The following TFCP2 variants were observed in gnomAD, a reference collection of about 807,000 sequenced individuals.
TFCP2 encodes the protein transcription factor CP2, also known as alpha-globin transcription factor CP2.
TFCP2 carries 33 observed loss-of-function variants against 73.4 expected under a neutral mutation model. That is an observed-to-expected ratio of 0.45 (90% confidence interval 0.34 to 0.60). The LOEUF is 0.60. TFCP2 is among the 20% of genes least tolerant of loss of function. The pLI is 0.01. For missense variants in TFCP2, 352 were observed against 604.0 expected (o/e 0.58, Z 4.37); for synonymous variants, 193 against 211.6 (o/e 0.91, Z 0.76).
At chr12:51,165,722 C>A (rs1941744232) in intron 1 of TFCP2, among the ~76,000 whole-genome samples, 1 of 152,144 alleles carries the variant, frequency 6.6e-6, no homozygotes, top group Non-Finnish European at 1.5e-5. Flanking sequence ...TTACACTGAT[C>A]TGGACATTTT....
At chr12:51,122,850 T>C (rs990096118) in intron 1 of TFCP2, among the ~76,000 whole-genome samples, 1 of 152,174 alleles carries the variant, frequency 6.6e-6, no homozygotes, top group Non-Finnish European at 1.5e-5. Flanking sequence ...GAAAATAAAG[T>C]AAAACACCAC....
rs749354125 is a variant in TFCP2, at chr12:51,107,247, T to C, written c.817A>G (p.Ile273Val). Residue 273 changes from isoleucine (I) to valine (V), a missense_variant, in exon 7 of 15, where the codon ATA becomes GTA. By Grantham distance (29) the Ile-to-Val change is conservative (BLOSUM62 3). Around this residue, in one of 6 missense-constraint regions of TFCP2, gnomAD observed 47 missense variants for 89.1 expected, o/e 0.53. Transcript: ENST00000257915. Reference protein sequence around the residue: ...EKYQPSYETTILTECSPWPEI... With the variant: ...EKYQPSYETTVLTECSPWPEI... Reference sequence around the variant, plus strand: ...AGAAATCTTTTTACCTCTGTGAGTATGGTTGTCTCATAGGAAGGCTGATAT... The same window carrying C: ...AGAAATCTTTTTACCTCTGTGAGTACGGTTGTCTCATAGGAAGGCTGATAT... 1.9e-6 allele frequency: 3 copies of C among 1,600,284 alleles called. No individual in the cohort carries two copies. Among genetic ancestry groups the C allele is most frequent in the Non-Finnish European group, 2.6e-6 (3 of 1,175,996 alleles).
intron 1 of TFCP2, among the ~76,000 whole-genome samples, chr12:51,139,985 G>A (rs1220080207): frequency 6.6e-6 from 1 of 152,078 alleles, no homozygotes; most frequent in Non-Finnish European, 1.5e-5. Flanking sequence ...AATACATTAT[G>A]AACACTGATA....
At chr12:51,112,934 AC>A (rs1424983364) in intron 4 of TFCP2, among the ~76,000 whole-genome samples, 1 of 152,046 alleles carries the variant, frequency 6.6e-6, no homozygotes, top group Non-Finnish European at 1.5e-5. Flanking sequence ...TAACAGAGTG[AC>A]AAATCTTTAC....
Position 51,095,083 on chromosome 12 carries a change from A to C in TFCP2, c.*158T>G, listed in dbSNP as rs754154382. 7.7e-6 allele frequency: 6 copies of C among 777,964 alleles called. No homozygotes were observed. Among genetic ancestry groups the C allele is most frequent in the Non-Finnish European group, 1.1e-5 (5 of 450,122 alleles). The allele number at this position is 777,964 out of a possible 1,614,324, so 48.2% of individuals were successfully genotyped here. A position where few individuals can be genotyped will look rare whatever the true frequency, so the allele number is the denominator to read the frequency against. Reference sequence around the variant, plus strand: ...ACCACAAGAGCTTGGGCCAACACAGAGGGCCAGGATTCTGCCTCCATGGCC... The same window carrying C: ...ACCACAAGAGCTTGGGCCAACACAGCGGGCCAGGATTCTGCCTCCATGGCC... On this transcript the variant is annotated 3_prime_UTR_variant, in exon 15 of 15. Transcript: ENST00000257915.
chr12:51,105,278 G>C (rs1281883750), intron 8 of TFCP2, among the ~76,000 whole-genome samples: 1 of 151,892 alleles, frequency 6.6e-6, no homozygotes, highest in East Asian at 1.9e-4. Flanking sequence ...ATTTTTAGTA[G>C]AGACGGGGTT....
At chr12:51,157,003 T>TA (rs1357500626) in intron 1 of TFCP2, 12 of 128,392 alleles carry the variant, frequency 9.3e-5, no homozygotes, top group Non-Finnish European at 1.5e-4. Flanking sequence ...TAGTCTATTA[T>TA]AATCTCTTTT....
At chr12:51,170,583 C>G (rs141115526) in intron 1 of TFCP2, among the ~76,000 whole-genome samples, 3 of 151,956 alleles carry the variant, frequency 2.0e-5, no homozygotes, top group African/African-American at 7.2e-5. Flanking sequence ...TCTCCACCCC[C>G]CAAAGTGCTG....
At chr12:51,153,530 A>C (rs960384846) in intron 1 of TFCP2, among the ~76,000 whole-genome samples, 2 of 148,258 alleles carry the variant, frequency 1.3e-5, no homozygotes, top group African/African-American at 5.0e-5. Context: ...CATCATCCCA[A>C]TCTAAAATTC....
intron 1 of TFCP2, among the ~76,000 whole-genome samples, chr12:51,150,290 C>T (rs1941393086): frequency 6.6e-6 from 1 of 152,076 alleles, no homozygotes; most frequent in Non-Finnish European, 1.5e-5. Context: ...TGGTGGCAGG[C>T]ACCTGGAATC....
At chr12:51,146,025 G>A (rs541606314) in intron 1 of TFCP2, among the ~76,000 whole-genome samples, 1 of 152,102 alleles carries the variant, frequency 6.6e-6, no homozygotes, top group Admixed American at 6.6e-5. Flanking sequence ...CCACAAACTG[G>A]CAGAATATAC....
At chr12:51,099,400 C>T (rs1364794617) in intron 12 of TFCP2, among the ~76,000 whole-genome samples, 3 of 151,582 alleles carry the variant, frequency 2.0e-5, no homozygotes, top group Non-Finnish European at 4.4e-5. Context: ...ATCACTTGAG[C>T]CCAGGTGGTC....
chr12:51,127,450 A>G (rs1940840017), intron 1 of TFCP2, among the ~76,000 whole-genome samples: 1 of 152,212 alleles, frequency 6.6e-6, no homozygotes, highest in Non-Finnish European at 1.5e-5. Context: ...GACATACACA[A>G]TATACATATA....
intron 1 of TFCP2, among the ~76,000 whole-genome samples, chr12:51,130,987 CA>C (rs563635538): frequency 0.021 from 2,910 of 136,118 alleles, 89 homozygotes; most frequent in African/African-American, 0.072. Context: ...GACTCCATCT[CA>C]AAAAAAAAAA....
At position 51,153,085 on chromosome 12, in the gene TFCP2, A is replaced by T. The variant is rs181663487; in HGVS notation, c.122+19216T>A. Reference sequence around the variant, plus strand: ...TTAAAATCTGTAGTAAAATATACATAATACAGTGTTGGCTGGGCACAGCAG... The same window carrying T: ...TTAAAATCTGTAGTAAAATATACATTATACAGTGTTGGCTGGGCACAGCAG... On this transcript the variant is annotated intron_variant, in intron 1 of 14. Transcript: ENST00000257915. Among the ~76,000 whole-genome samples the T allele has an allele frequency of 2.0e-3, 308 of 152,336 alleles. 1 individual carries two copies. The highest frequency in any genetic ancestry group is 6.9e-3 in the African/African-American group (287 of 41,582).
At chr12:51,143,966 C>T (rs934129434) in intron 1 of TFCP2, among the ~76,000 whole-genome samples, 3 of 152,146 alleles carry the variant, frequency 2.0e-5, no homozygotes, top group African/African-American at 7.2e-5. Flanking sequence ...GTCAATTTAT[C>T]CCAAATTCAT....
rs756004025 is a variant in TFCP2 at position 51,110,904 on chromosome 12, A to T, written c.537T>A (p.Pro179=). Residue 179 remains proline (P), a synonymous_variant, in exon 5 of 15, where the codon CCT becomes CCA. Coordinates refer to ENST00000257915, the MANE Select transcript of TFCP2 (RefSeq NM_005653.5). ...GAATAAACACAGATGTCCTCTTTGC[A>T]GGGTCCCACAGGAACTCCACTGTAT... ...QLNTVEFLWD[P]AKRTSVFIQV... 3 of 1,613,924 alleles carry T rather than the reference A, an allele frequency of 1.9e-6. No individual in the cohort carries two copies. The South Asian group carries it at 3.3e-5, about 18-fold the overall frequency.
At chr12:51,161,760 CAAAAAAAAA>C (rs60679909) in intron 1 of TFCP2, among the ~76,000 whole-genome samples, 2 of 76,226 alleles carry the variant, frequency 2.6e-5, no homozygotes, top group Non-Finnish European at 4.9e-5. Context: ...GACTCCATAT[CAAAAAAAAA>C]AAAAAAAAAA....
intron 1 of TFCP2, among the ~76,000 whole-genome samples, chr12:51,164,869 T>C (rs1297438416): frequency 6.6e-6 from 1 of 152,106 alleles, no homozygotes; most frequent in East Asian, 1.9e-4. Context: ...AATAAGAGAT[T>C]GAATTGATAA....
Sources: gnomAD v4.1 joint callset for allele counts (sites outside exome capture counted in the v4.1 genomes callset) on GRCh38, gnomAD v4.1.1 for gene constraint, gnomAD v4.1.1 regional missense constraint, MANE v1.5 for transcripts, NCBI Gene and HGNC (gene_info 2026-07-23, HGNC 2026-07-21) for gene names.